Variants in ZSCAN5A observed in about 807,000 individuals in gnomAD.
ZSCAN5A encodes the protein zinc finger and SCAN domain containing 5A, also known as zinc finger and SCAN domain-containing protein 5A.
A neutral mutation model predicts 23.7 loss-of-function variants in ZSCAN5A; 12 were observed. The observed-to-expected ratio is 0.51, with a 90% CI of 0.32 to 0.82. The LOEUF (loss-of-function observed/expected upper bound fraction) is 0.82, where lower values mean the gene tolerates loss of function less well. ZSCAN5A is among the 40% of genes least tolerant of loss of function. The probability of loss-of-function intolerance (pLI) is 0.03; values close to 1 mark genes in which losing one functional copy is unlikely to be tolerated. For missense variants in ZSCAN5A, 597 were observed against 617.9 expected, an observed-to-expected ratio of 0.97 and a Z score of 0.36; for synonymous variants, 257 against 239.9, an observed-to-expected ratio of 1.07 and a Z score of -0.66.
intron 2 of ZSCAN5A, among the ~76,000 whole-genome samples, chr19:56,303,807 C>T (rs1041951467): frequency 4.2e-5 from 5 of 119,938 alleles, no homozygotes; most frequent in Non-Finnish European, 8.2e-5. Context: ...CAGCCTTCCC[C>T]GGGCAGGTAA....
At chr19:56,239,403 C>T (rs7247303) in intron 2 of ZSCAN5A, among the ~76,000 whole-genome samples, 9,074 of 152,258 alleles carry the variant, frequency 0.06, 535 homozygotes, top group African/African-American at 0.15. Flanking sequence ...CCATGATCCA[C>T]GCAGTATAAT....
At chr19:56,337,727 C>T (rs1393257415) in intron 2 of ZSCAN5A, among the ~76,000 whole-genome samples, 1 of 152,208 alleles carries the variant, frequency 6.6e-6, no homozygotes, top group Non-Finnish European at 1.5e-5. Flanking sequence ...GCCATCTTGG[C>T]TCCACCCGCC....
At chr19:56,255,701 C>T (rs942898866) in intron 2 of ZSCAN5A, among the ~76,000 whole-genome samples, 1 of 151,714 alleles carries the variant, frequency 6.6e-6, no homozygotes, top group Non-Finnish European at 1.5e-5. Context: ...CCTACCTGGA[C>T]GGATGAAAAA....
chr19:56,333,855 A>AT (rs879669247), intron 2 of ZSCAN5A, among the ~76,000 whole-genome samples: 1,644 of 150,496 alleles, frequency 0.011, 23 homozygotes, highest in East Asian at 0.035. Context: ...GGAAAAAGAA[A>AT]AATATATATA....
intron 2 of ZSCAN5A, among the ~76,000 whole-genome samples, chr19:56,332,214 CTTTG>C (rs2041496138): frequency 6.6e-6 from 1 of 152,022 alleles, no homozygotes; most frequent in Non-Finnish European, 1.5e-5. Context: ...GTCCAGGTTT[CTTTG>C]TTAGTTTTCT....
intron 2 of ZSCAN5A, chr19:56,225,380 G>C (rs905729607): frequency 8.4e-6 from 2 of 238,770 alleles, no homozygotes; most frequent in Non-Finnish European, 1.6e-5. Context: ...ACTGTGCAGA[G>C]GCTGAATCAG....
At chr19:56,268,082 T>C (rs1470650022) in intron 2 of ZSCAN5A, among the ~76,000 whole-genome samples, 1 of 152,052 alleles carries the variant, frequency 6.6e-6, no homozygotes, top group Non-Finnish European at 1.5e-5. Flanking sequence ...ATCTGTTTAG[T>C]GGGGGACAGA....
intron 2 of ZSCAN5A, among the ~76,000 whole-genome samples, chr19:56,302,615 CTTCCTCCCTCCCT>C (rs2040404826): frequency 1.6e-5 from 2 of 127,106 alleles, no homozygotes; most frequent in African/African-American, 3.1e-5. Flanking sequence ...TCCTCTCCCT[CTTCCTCCCTCCCT>C]CCTCCTCCCT....
At chr19:56,261,707 C>T (rs1341523593) in intron 2 of ZSCAN5A, among the ~76,000 whole-genome samples, 1 of 152,114 alleles carries the variant, frequency 6.6e-6, no homozygotes, top group Non-Finnish European at 1.5e-5. Flanking sequence ...ATTATTTCTT[C>T]AGACTAATAT....
chr19:56,262,635 T>C (rs998243509), intron 2 of ZSCAN5A, among the ~76,000 whole-genome samples: 32 of 151,872 alleles, frequency 2.1e-4, no homozygotes, highest in Admixed American at 1.8e-3. Flanking sequence ...TTTCACCATG[T>C]TAGCCACACT....
intron 2 of ZSCAN5A, among the ~76,000 whole-genome samples, chr19:56,264,767 C>G (rs913427293): frequency 2.0e-5 from 3 of 152,182 alleles, no homozygotes; most frequent in African/African-American, 7.2e-5. Flanking sequence ...TACTATCTTG[C>G]TCTTGACAGA....
chr19:56,332,375 T>A (rs2041497496), intron 2 of ZSCAN5A, among the ~76,000 whole-genome samples: 2 of 152,216 alleles, frequency 1.3e-5, no homozygotes, highest in Non-Finnish European at 1.5e-5. Context: ...GATAGTTAAG[T>A]CTTCTTATTA....
At chr19:56,290,764 T>C (rs974428735) in intron 2 of ZSCAN5A, among the ~76,000 whole-genome samples, 2 of 152,232 alleles carry the variant, frequency 1.3e-5, no homozygotes, top group Non-Finnish European at 2.9e-5. Context: ...TTGAATGTCC[T>C]ATACTGCTGA....
intron 2 of ZSCAN5A, chr19:56,246,928 C>T (rs756741880): frequency 1.3e-6 from 2 of 1,592,138 alleles, no homozygotes; most frequent in East Asian, 4.5e-5. Flanking sequence ...AGAAGGGCCT[C>T]AAGGAGGAGC....
At chr19:56,289,559 A>G (rs1265406230) in intron 2 of ZSCAN5A, among the ~76,000 whole-genome samples, 1 of 152,174 alleles carries the variant, frequency 6.6e-6, no homozygotes, top group Non-Finnish European at 1.5e-5. Context: ...AGAAAACTGT[A>G]TGGCACATAG....
chr19:56,277,723 TA>T (rs2038371564), intron 2 of ZSCAN5A, among the ~76,000 whole-genome samples: 1 of 151,978 alleles, frequency 6.6e-6, no homozygotes, highest in African/African-American at 2.4e-5. Flanking sequence ...ATTACTGCAT[TA>T]AAAAAATAAG....
chr19:56,344,065 T>A (rs879863139), intron 2 of ZSCAN5A, among the ~76,000 whole-genome samples: 2 of 152,254 alleles, frequency 1.3e-5, no homozygotes, highest in African/African-American at 4.8e-5. Flanking sequence ...TTTAAAATTA[T>A]GAAACCACCA....
At chr19:56,247,381 G>C (rs950105750) in intron 2 of ZSCAN5A, 2 of 206,262 alleles carry the variant, frequency 9.7e-6, no homozygotes, top group African/African-American at 4.7e-5. Flanking sequence ...CATCCACTCC[G>C]GAGAGAAACC....
chr19:56,233,433 G>A (rs1248919215), intron 2 of ZSCAN5A, among the ~76,000 whole-genome samples: 1 of 152,098 alleles, frequency 6.6e-6, no homozygotes, highest in Non-Finnish European at 1.5e-5. Context: ...ACCTGGAGAT[G>A]ATTGGATATT....
Sources: allele counts gnomAD v4.1 joint callset (sites outside exome capture counted in the v4.1 genomes callset), GRCh38; gene constraint gnomAD v4.1.1; transcripts MANE v1.5; gene names NCBI Gene and HGNC (gene_info 2026-07-23, HGNC 2026-07-21).